The following RARS2 variants were observed in gnomAD, a reference collection of about 807,000 sequenced individuals.
RARS2 encodes the protein arginyl-tRNA synthetase 2, mitochondrial.
RARS2 carries 67 observed loss-of-function variants against 88.5 expected under a neutral mutation model. That is an observed-to-expected ratio of 0.76 (90% CI 0.62 to 0.93). RARS2 has a LOEUF of 0.93. Among genes scored for constraint, RARS2 ranks in the 40% least tolerant of loss-of-function variants. RARS2 has a pLI of 0.00. For missense variants in RARS2, 664 were observed against 684.2 expected, an observed-to-expected ratio of 0.97 and a Z score of 0.33; for synonymous variants, 239 against 230.3, an observed-to-expected ratio of 1.04 and a Z score of -0.34.
chr6:87,540,139 C>T (rs1276929961), intron 8 of RARS2, among the ~76,000 whole-genome samples: 1 of 151,888 alleles, frequency 6.6e-6, no homozygotes, highest in Non-Finnish European at 1.5e-5. Flanking sequence ...AATGGCAAAC[C>T]TTTAAAGGTC....
chr6:87,565,675 A>G (rs1298770880), intron 2 of RARS2, among the ~76,000 whole-genome samples: 1 of 152,230 alleles, frequency 6.6e-6, no homozygotes, highest in East Asian at 1.9e-4. Context: ...GTAGGTTTGA[A>G]ATAGTTCAAG....
At position 87,558,767 on chromosome 6, in the gene RARS2, T is replaced by C. The variant is rs1417159645; in HGVS notation, c.298-3262A>G. On this transcript the variant is annotated intron_variant, in intron 4 of 19. Coordinates refer to ENST00000369536, the MANE Select transcript of RARS2 (RefSeq NM_020320.5). ...CAATTATGTACATCATGATACTTGA[T>C]AATAATAAAGGACTGTACTGATTTA... 2.0e-5 allele frequency among the ~76,000 whole-genome samples: 3 copies of C among 152,260 alleles called. No individual in the cohort carries two copies. In the East Asian group the frequency reaches 5.8e-4, roughly 29 times the overall value.
At chr6:87,526,975 C>T (rs961996912) in intron 10 of RARS2, among the ~76,000 whole-genome samples, 6 of 151,664 alleles carry the variant, frequency 4.0e-5, no homozygotes, top group African/African-American at 1.5e-4. Context: ...CCAGCCAGGT[C>T]AACTGATTTT....
chr6:87,557,997 G>A (rs1159484657), intron 4 of RARS2, among the ~76,000 whole-genome samples: 1 of 152,016 alleles, frequency 6.6e-6, no homozygotes, highest in Non-Finnish European at 1.5e-5. Context: ...CCAACATGGT[G>A]AAACCCCATC....
intron 7 of RARS2, among the ~76,000 whole-genome samples, chr6:87,542,706 A>G (rs925911117): frequency 2.0e-5 from 3 of 151,880 alleles, no homozygotes; most frequent in East Asian, 1.9e-4. Flanking sequence ...GGTAAACTAC[A>G]TATCAAAATT....
intron 3 of RARS2, among the ~76,000 whole-genome samples, chr6:87,563,255 C>T (rs927277920): frequency 4.6e-5 from 7 of 152,162 alleles, no homozygotes; most frequent in Middle Eastern, 6.3e-3. Flanking sequence ...ATTAGATGTT[C>T]GAAGCCATCT....
intron 5 of RARS2, among the ~76,000 whole-genome samples, chr6:87,554,092 A>T (rs2128140721): frequency 6.6e-6 from 1 of 152,344 alleles, no homozygotes; most frequent in Non-Finnish European, 1.5e-5. Flanking sequence ...ATCAATTTTT[A>T]AAAATCTTCC....
intron 14 of RARS2, 165 bp from the exon 15 acceptor site, chr6:87,519,056 T>C (rs1220436976): frequency 1.4e-6 from 1 of 689,786 alleles, no homozygotes; most frequent in Non-Finnish European, 2.6e-6. Context: ...ATAATGACAT[T>C]TCCCCTGCCT....
chr6:87,530,726 G>A (rs1777222271), intron 9 of RARS2, 58 bp downstream of exon 9: 1 of 1,569,768 alleles, frequency 6.4e-7, no homozygotes, highest in African/African-American at 1.4e-5. Flanking sequence ...TACTATGCAG[G>A]TAACAGCCGA....
At chr6:87,580,964 G>A (rs926561888) in intron 1 of RARS2, among the ~76,000 whole-genome samples, 1 of 152,080 alleles carries the variant, frequency 6.6e-6, no homozygotes, top group Non-Finnish European at 1.5e-5. Context: ...TAGTATCAGA[G>A]ATTCTAATAT....
intron 9 of RARS2, 47 bp from the exon 10 acceptor site, chr6:87,529,695 T>C: frequency 4.3e-6 from 6 of 1,386,788 alleles, no homozygotes; most frequent in Non-Finnish European, 6.2e-6. Flanking sequence ...TAATTGAATC[T>C]CCTATTCTTA....
At chr6:87,577,387 T>C (rs1771892330) in intron 1 of RARS2, among the ~76,000 whole-genome samples, 1 of 152,058 alleles carries the variant, frequency 6.6e-6, no homozygotes, top group African/African-American at 2.4e-5. Context: ...GGAGACGGCA[T>C]ATCTCACCTT....
chr6:87,550,600 C>T (rs1389448904), intron 5 of RARS2, among the ~76,000 whole-genome samples: 1 of 150,566 alleles, frequency 6.6e-6, no homozygotes, highest in Non-Finnish European at 1.5e-5. Flanking sequence ...GGTAGTTACA[C>T]AACTTGCATA....
rs568483789 is a variant in RARS2, at chr6:87,564,136, T to G, written c.207A>C (p.Ala69=). 6.2e-7 allele frequency: 1 copy of G among 1,603,052 alleles called. No individual in the cohort carries two copies. The highest frequency in any genetic ancestry group is 1.1e-5 in the South Asian group (1 of 90,854). The change falls in exon 3 of 20, where the codon GCA becomes GCC. Residue 69 remains alanine, a synonymous_variant. Transcript: ENST00000369536. ...GATAATAGTGCTAACGTACCTTCTC[T>G]GCTAGTCTCTTGGCTTGAACTTGAA... ...PDIQVQAKRL[A]EKLRCDTVVS...
rs1214944726 is a variant in RARS2, at chr6:87,569,129, G to A, written c.110+388C>T. 2.6e-5 allele frequency among the ~76,000 whole-genome samples: 4 copies of A among 152,168 alleles called. No homozygotes were observed. In the South Asian group the frequency reaches 8.3e-4, roughly 32 times the overall value. ...CCTAGTAGATAAATATGGTACAACAGTATTCAAGCACCAGATGGCTGTACA... is the reference window on the plus strand; with the variant it reads ...CCTAGTAGATAAATATGGTACAACAATATTCAAGCACCAGATGGCTGTACA... On this transcript the variant is annotated intron_variant, in intron 2 of 19. Transcript: ENST00000369536.
chr6:87,535,899 G>A (rs1444106871), intron 8 of RARS2, among the ~76,000 whole-genome samples: 1 of 151,674 alleles, frequency 6.6e-6, no homozygotes. Context: ...TGCTGAGGCT[G>A]GTCTCAAACT....
At position 87,519,709 on chromosome 6, in the gene RARS2, TAA is replaced by T; in HGVS notation, c.1113-4_1113-3del. ...ACTCCAAAGGGCACGTGCTGGCACC[TAA>T]AAGAGTGGGCATCTAGTTAACTGAA... On this transcript the variant is annotated splice_region_variant and splice_polypyrimidine_tract_variant and intron_variant, in intron 13 of 19. Coordinates refer to ENST00000369536, the MANE Select transcript of RARS2 (RefSeq NM_020320.5). 2 of 1,614,012 alleles carry T rather than the reference TAA, an allele frequency of 1.2e-6. No homozygotes were observed. Among genetic ancestry groups the T allele is most frequent in the Non-Finnish European group, 8.5e-7 (1 of 1,179,884 alleles).
At chr6:87,547,612 T>C (rs1423337078) in intron 6 of RARS2, among the ~76,000 whole-genome samples, 2 of 152,090 alleles carry the variant, frequency 1.3e-5, no homozygotes, top group African/African-American at 2.4e-5. Context: ...AAGTACTATA[T>C]AGTAATCTCT....
At chr6:87,552,303 A>G (rs1211093529) in intron 5 of RARS2, among the ~76,000 whole-genome samples, 1 of 152,202 alleles carries the variant, frequency 6.6e-6, no homozygotes, top group African/African-American at 2.4e-5. Context: ...AAGAAATCCA[A>G]GAACAATCTT....
Sources: allele counts gnomAD v4.1 joint callset (sites outside exome capture counted in the v4.1 genomes callset), GRCh38; gene constraint gnomAD v4.1.1; transcripts MANE v1.5; gene names NCBI Gene and HGNC (gene_info 2026-07-23, HGNC 2026-07-21).